Variants in IL1RAPL1 observed in about 807,000 individuals in gnomAD.
IL1RAPL1 encodes the protein interleukin-1 receptor accessory protein-like 1.
Under a neutral mutation model 48.4 loss-of-function variants are expected in IL1RAPL1, and 3 were observed. That is an observed-to-expected ratio of 0.06 (90% CI 0.03 to 0.16). The LOEUF is 0.16. Ranked by LOEUF, IL1RAPL1 falls within the 10% of genes least tolerant of loss-of-function variation. The pLI, the probability that IL1RAPL1 is intolerant of heterozygous loss-of-function variation, is 1.00. For missense variants in IL1RAPL1, 349 were observed against 530.6 expected, an observed-to-expected ratio of 0.66 and a Z score of 3.36; for synonymous variants, 185 against 187.7, an observed-to-expected ratio of 0.99 and a Z score of 0.12.
intron 1 of IL1RAPL1, among the ~76,000 whole-genome samples, chrX:28,696,386 A>G (rs1445623429): frequency 2.7e-5 from 3 of 111,762 alleles, no homozygotes; most frequent in Admixed American, 9.6e-5. Flanking sequence ...GCTTTTATTA[A>G]TAACACTCAA....
intron 2 of IL1RAPL1, among the ~76,000 whole-genome samples, chrX:28,790,798 T>C (rs927939353): frequency 1.2e-4 from 14 of 112,210 alleles, no homozygotes; most frequent in African/African-American, 4.2e-4. Flanking sequence ...ACATATATCT[T>C]GATTTCTTTA....
intron 2 of IL1RAPL1, among the ~76,000 whole-genome samples, chrX:29,014,765 C>T (rs1418779472): frequency 1.8e-5 from 2 of 111,994 alleles, no homozygotes; most frequent in Non-Finnish European, 3.8e-5. Flanking sequence ...GAATGTAATA[C>T]TTTGTCATTA....
intron 2 of IL1RAPL1, among the ~76,000 whole-genome samples, chrX:28,830,470 A>G (rs150811571): frequency 0.014 from 1,543 of 109,138 alleles, 29 homozygotes; most frequent in African/African-American, 0.05. Context: ...ATACTTTACA[A>G]CTCCAGAATT....
At chrX:28,733,136 T>TTATA (rs759306785) in intron 1 of IL1RAPL1, among the ~76,000 whole-genome samples, 21 of 107,713 alleles carry the variant, frequency 1.9e-4, no homozygotes, top group African/African-American at 6.1e-4. Context: ...GCACACACAG[T>TTATA]TATATATATA....
At chrX:29,512,911 T>C (rs1469487901) in intron 5 of IL1RAPL1, among the ~76,000 whole-genome samples, 1 of 112,053 alleles carries the variant, frequency 8.9e-6, no homozygotes, top group Non-Finnish European at 1.9e-5. Context: ...TTAGAAATTC[T>C]GTACTGTTTG....
intron 3 of IL1RAPL1, among the ~76,000 whole-genome samples, chrX:29,334,987 T>C (rs868788372): frequency 8.0e-5 from 9 of 112,278 alleles, no homozygotes; most frequent in Non-Finnish European, 1.5e-4. Context: ...CTGGGCACCA[T>C]TGAGCACTGA....
chrX:29,060,196 A>G (rs1218310420), intron 2 of IL1RAPL1, among the ~76,000 whole-genome samples: 1 of 112,037 alleles, frequency 8.9e-6, no homozygotes, highest in Non-Finnish European at 1.9e-5. Context: ...ATTTTATTAT[A>G]GCTGTAATGT....
intron 2 of IL1RAPL1, among the ~76,000 whole-genome samples, chrX:28,932,979 G>A (rs1923925734): frequency 1.8e-5 from 2 of 111,179 alleles, no homozygotes; most frequent in East Asian, 2.8e-4. Context: ...CTTGATCCAA[G>A]TACCTCCCTT....
chrX:28,705,769 A>T (rs1190084010), intron 1 of IL1RAPL1, among the ~76,000 whole-genome samples: 2 of 111,996 alleles, frequency 1.8e-5, no homozygotes, highest in East Asian at 5.7e-4. Flanking sequence ...AGGCACATGA[A>T]TTCCAAAGAA....
intron 2 of IL1RAPL1, among the ~76,000 whole-genome samples, chrX:29,111,677 C>A (rs1487967843): frequency 9.0e-6 from 1 of 111,343 alleles, no homozygotes; most frequent in Non-Finnish European, 1.9e-5. Flanking sequence ...ATATTATTTT[C>A]CAAAATGATT....
At chrX:29,075,348 A>G (rs1927647998) in intron 2 of IL1RAPL1, among the ~76,000 whole-genome samples, 2 of 111,820 alleles carry the variant, frequency 1.8e-5, no homozygotes, top group South Asian at 7.4e-4. Context: ...TCTGTGGACT[A>G]TAAATAGAAA....
At chrX:28,719,525 GT>G (rs1043415788) in intron 1 of IL1RAPL1, among the ~76,000 whole-genome samples, 3 of 109,931 alleles carry the variant, frequency 2.7e-5, no homozygotes, top group African/African-American at 6.6e-5. Context: ...AGAATAGACA[GT>G]TTTTTTTTAA....
chrX:29,715,582 C>T (rs1035736223), intron 6 of IL1RAPL1, among the ~76,000 whole-genome samples: 7 of 111,553 alleles, frequency 6.3e-5, no homozygotes, highest in Admixed American at 2.9e-4. Flanking sequence ...TGTTTGAAAG[C>T]TGCCTAGTGG....
chrX:29,648,672 T>C (rs1029722660), intron 5 of IL1RAPL1, among the ~76,000 whole-genome samples: 2 of 111,401 alleles, frequency 1.8e-5, no homozygotes, highest in African/African-American at 6.5e-5. Context: ...AATAAATGCC[T>C]ATATCAAAAA....
chrX:28,719,732 C>G (rs1935547688), intron 1 of IL1RAPL1, among the ~76,000 whole-genome samples: 2 of 110,686 alleles, frequency 1.8e-5, no homozygotes, highest in African/African-American at 6.6e-5. Context: ...TCAATTTTCC[C>G]AGCTTATTTC....
chrX:29,477,632 A>T (rs1299652126), intron 5 of IL1RAPL1, among the ~76,000 whole-genome samples: 3 of 112,002 alleles, frequency 2.7e-5, no homozygotes, highest in African/African-American at 9.8e-5. Flanking sequence ...TAACATAAAA[A>T]CCCAAAGAGG....
At chrX:29,789,850 A>G (rs1226850864) in intron 6 of IL1RAPL1, among the ~76,000 whole-genome samples, 1 of 108,095 alleles carries the variant, frequency 9.3e-6, no homozygotes, top group Non-Finnish European at 1.9e-5. Context: ...TCATAATAAG[A>G]ATCTAACAGA....
intron 5 of IL1RAPL1, among the ~76,000 whole-genome samples, chrX:29,522,264 A>T (rs1014495627): frequency 9.0e-6 from 1 of 110,915 alleles, no homozygotes; most frequent in African/African-American, 3.3e-5. Context: ...GGCTCAGGCA[A>T]TCCTCCCATC....
chrX:29,443,231 G>GCTCTCTCTCTCTCTCTCTCTCT (rs376805298), intron 5 of IL1RAPL1, among the ~76,000 whole-genome samples: 58 of 93,951 alleles, frequency 6.2e-4, no homozygotes, highest in Admixed American at 1.9e-3. Context: ...GCTCTCGCTT[G>GCTCTCTCTCTCTCTCTCTCTCT]CTCTCTCTCT....
Sources: allele counts gnomAD v4.1 joint callset (sites outside exome capture counted in the v4.1 genomes callset), GRCh38; gene constraint gnomAD v4.1.1; transcripts MANE v1.5; gene names NCBI Gene and HGNC (gene_info 2026-07-23, HGNC 2026-07-21).